NSG2: variants seen among roughly 807,000 people sequenced by gnomAD.
The protein encoded by NSG2 is neuronal vesicle trafficking associated 2.
A neutral mutation model predicts 16.9 loss-of-function variants in NSG2; 4 were observed. The ratio of observed to expected loss-of-function variants is 0.24; its 90% CI spans 0.12 to 0.54. The LOEUF is 0.54. NSG2 is among the 20% of genes least tolerant of loss of function. The probability of loss-of-function intolerance (pLI) is 0.95; values close to 1 mark genes in which losing one functional copy is unlikely to be tolerated. For synonymous variants in NSG2, 98 were observed against 88.7 expected, an observed-to-expected ratio of 1.11 and a Z score of -0.59; for missense variants, 179 against 221.1, an observed-to-expected ratio of 0.81 and a Z score of 1.21.
At chr5:174,054,847 C>T (rs1466345785) in intron 2 of NSG2, among the ~76,000 whole-genome samples, 1 of 152,210 alleles carries the variant, frequency 6.6e-6, no homozygotes, top group Non-Finnish European at 1.5e-5. Flanking sequence ...ATCCTAACTC[C>T]ACCTACTTGC....
At chr5:174,046,517 G>T in intron 1 of NSG2, 1 of 525,470 alleles carries the variant, frequency 1.9e-6, no homozygotes, top group Non-Finnish European at 3.4e-6. Flanking sequence ...TTTGAGTGCT[G>T]TTGAACCCCA....
intron 4 of NSG2, among the ~76,000 whole-genome samples, chr5:174,106,175 A>T (rs904589038): frequency 6.6e-6 from 1 of 152,202 alleles, no homozygotes; most frequent in East Asian, 1.9e-4. Context: ...AAAATTAATA[A>T]AAATGGTTCA....
chr5:174,107,301 C>G lies in NSG2; in HGVS notation c.325-13C>G, dbSNP rs1460959076. On this transcript the variant is annotated splice_polypyrimidine_tract_variant and intron_variant, in intron 4 of 4. Transcript: ENST00000303177. The surrounding 1 kb of genome is among the most constrained non-coding windows in gnomAD (Gnocchi z 4.5). The stretch of plus-strand genomic sequence containing the variant: ...TGCTGAATGACCCCTGACTCTGTCT[C>G]TTTCTTCCCCAGCACAAACGCTGTA... 1 of 1,537,382 alleles carries G rather than the reference C, an allele frequency of 6.5e-7. No individual in the cohort carries two copies. The highest frequency in any genetic ancestry group is 1.9e-5 in the Admixed American group (1 of 51,570).
At chr5:174,083,685 CTT>C (rs1165803945) in intron 3 of NSG2, among the ~76,000 whole-genome samples, 1 of 152,168 alleles carries the variant, frequency 6.6e-6, no homozygotes, top group East Asian at 1.9e-4. Flanking sequence ...TTGCCAATGA[CTT>C]TATAGTTAAA....
In NSG2 at chr5:174,107,081, A is replaced by T. The variant is rs1032382842; in HGVS notation, c.325-233A>T. Among the ~76,000 whole-genome samples, 1 of 152,120 alleles carries T rather than the reference A, an allele frequency of 6.6e-6. No individual in the cohort carries two copies. The highest frequency in any genetic ancestry group is 1.5e-5 in the Non-Finnish European group (1 of 68,020). Reference sequence around the variant, plus strand: ...AGTATGCAGAGAAGGCTGGCCTTGAATCAGTGTCAATATCAGGTTCAGGTC... The same window carrying T: ...AGTATGCAGAGAAGGCTGGCCTTGATTCAGTGTCAATATCAGGTTCAGGTC... On this transcript the variant is annotated intron_variant, in intron 4 of 4. Transcript: ENST00000303177. This position sits in a 1 kb window ranked among gnomAD's most constrained non-coding sequence, Gnocchi z 4.5.
intron 3 of NSG2, among the ~76,000 whole-genome samples, chr5:174,102,089 T>A (rs1760903518): frequency 6.6e-6 from 1 of 152,162 alleles, no homozygotes; most frequent in Non-Finnish European, 1.5e-5. Context: ...GCACATGGTG[T>A]CAACAGTAGC....
chr5:174,097,284 C>T (rs1760812311), intron 3 of NSG2, among the ~76,000 whole-genome samples: 1 of 152,070 alleles, frequency 6.6e-6, no homozygotes, highest in South Asian at 2.1e-4. Context: ...CAGCCCAAAC[C>T]CTGATTCTCC....
Position 174,080,513 on chromosome 5 carries a change from C to CTCTT in NSG2, c.213+16210_213+16213dup, listed in dbSNP as rs569500083. 6.8e-3 allele frequency among the ~76,000 whole-genome samples: 871 copies of CTCTT among 128,188 alleles called. 30 individuals carry two copies. Among genetic ancestry groups the CTCTT allele is most frequent in the African/African-American group, 0.024 (826 of 34,880 alleles). 84.1% of individuals were successfully genotyped at this position (128,188 alleles called of 152,430 possible). A position where few individuals can be genotyped will look rare whatever the true frequency, so the allele number is the denominator to read the frequency against. ...TTTCTTTCCCTCTTTCTTTCTTTCC[C>CTCTT]TCTTTCTTTCTTTCTCTCTCTCTCT... On this transcript the variant is annotated intron_variant, in intron 3 of 4. Coordinates refer to ENST00000303177, the MANE Select transcript of NSG2 (RefSeq NM_015980.5).
At chr5:174,096,724 G>T (rs993241376) in intron 3 of NSG2, among the ~76,000 whole-genome samples, 2 of 151,988 alleles carry the variant, frequency 1.3e-5, no homozygotes, top group Non-Finnish European at 2.9e-5. Context: ...GAATATGGGG[G>T]CAGGGGGAGA....
intron 2 of NSG2, among the ~76,000 whole-genome samples, chr5:174,051,193 G>A (rs893332091): frequency 6.6e-6 from 1 of 152,128 alleles, no homozygotes; most frequent in Non-Finnish European, 1.5e-5. Flanking sequence ...TTTTATGGGT[G>A]GAGGCCAGGA....
chr5:174,089,913 A>G (rs541699906), intron 3 of NSG2, among the ~76,000 whole-genome samples: 1 of 152,184 alleles, frequency 6.6e-6, no homozygotes, highest in East Asian at 1.9e-4. Flanking sequence ...GAGCCACCAC[A>G]CCCAGCCAGG....
chr5:174,104,361 C>A, intron 4 of NSG2, 23 bp downstream of exon 4: 1 of 1,512,268 alleles, frequency 6.6e-7, no homozygotes, highest in African/African-American at 1.4e-5. Flanking sequence ...TGAGTAGTCC[C>A]AGGTCACTAT....
At chr5:174,101,079 G>A (rs1382316707) in intron 3 of NSG2, among the ~76,000 whole-genome samples, 3 of 152,196 alleles carry the variant, frequency 2.0e-5, no homozygotes, top group Admixed American at 6.5e-5. Context: ...GCACGAGCTC[G>A]ACAGCTGCAC....
chr5:174,055,499 G>A (rs2113423653), intron 2 of NSG2, among the ~76,000 whole-genome samples: 1 of 152,278 alleles, frequency 6.6e-6, no homozygotes, highest in Admixed American at 6.5e-5. Flanking sequence ...TCGGGAGGCT[G>A]AGGCAGGAGA....
Position 174,107,410 on chromosome 5 carries a change from G to A in NSG2, c.421G>A (p.Val141Met), listed in dbSNP as rs1448672133. The A allele has an allele frequency of 1.1e-5, 17 of 1,612,446 alleles. No individual in the cohort carries two copies. The highest frequency in any genetic ancestry group is 1.4e-5 in the Non-Finnish European group (16 of 1,178,820). Reference protein sequence around the residue: ...RFYTVISHYSVAKQSTARAIG... With the variant: ...RFYTVISHYSMAKQSTARAIG... ...CTACACAGTCATCAGCCACTACAGC[G>A]TGGCCAAGCAGAGCACTGCCCGGGC... The change falls in exon 5 of 5, where the codon GTG (valine) becomes ATG (methionine). Residue 141 changes from valine (V) to methionine (M), a missense_variant. By Grantham distance (21) the Val-to-Met change is conservative. Coordinates refer to ENST00000303177, the MANE Select transcript of NSG2 (RefSeq NM_015980.5). The surrounding 1 kb of genome is among the most constrained non-coding windows in gnomAD (Gnocchi z 4.5).
At chr5:174,082,997 C>G (rs1760512532) in intron 3 of NSG2, among the ~76,000 whole-genome samples, 1 of 152,334 alleles carries the variant, frequency 6.6e-6, no homozygotes, top group Non-Finnish European at 1.5e-5. Context: ...ATGCTCCTTC[C>G]TCAGGCTTCC....
chr5:174,062,007 A>G (rs1251370538), intron 2 of NSG2, among the ~76,000 whole-genome samples: 3 of 149,178 alleles, frequency 2.0e-5, no homozygotes, highest in African/African-American at 7.5e-5. Flanking sequence ...TAGGCTAGGT[A>G]GGGTGACACT....
At chr5:174,104,461 G>C (rs1182311078) in intron 4 of NSG2, 123 bp downstream of exon 4, 1 of 684,876 alleles carries the variant, frequency 1.5e-6, no homozygotes, top group Non-Finnish European at 2.5e-6. Flanking sequence ...GTTTAAAATG[G>C]AATATGTGTT....
At chr5:174,101,006 C>A (rs1760889484) in intron 3 of NSG2, among the ~76,000 whole-genome samples, 1 of 152,228 alleles carries the variant, frequency 6.6e-6, no homozygotes, top group African/African-American at 2.4e-5. Context: ...CTCCCTCAGA[C>A]CCTGCATCAG....
Sources: gnomAD v4.1 joint callset for allele counts (sites outside exome capture counted in the v4.1 genomes callset) on GRCh38, gnomAD v4.1.1 for gene constraint, Gnocchi (gnomAD v3.1) non-coding constraint, MANE v1.5 for transcripts, NCBI Gene and HGNC (gene_info 2026-07-23, HGNC 2026-07-21) for gene names.